The following TEX14 variants were observed in gnomAD, a reference collection of about 807,000 sequenced individuals.
TEX14 encodes testis expressed 14, intercellular bridge forming factor, also known as inactive serine/threonine-protein kinase TEX14.
In TEX14, 168 loss-of-function variants were observed where a neutral mutation model predicts 178.6. The observed-to-expected ratio is 0.94, with a 90% CI of 0.83 to 1.07. The LOEUF is 1.07. TEX14 is among the 50% of genes least tolerant of loss of function. TEX14 has a pLI of 0.00. For synonymous variants in TEX14, 626 were observed against 634.1 expected (o/e 0.99, Z 0.19); for missense variants, 1,730 against 1,753.6 (o/e 0.99, Z 0.24).
chr17:58,636,100 AG>A (rs1446199520), intron 2 of TEX14, among the ~76,000 whole-genome samples: 1 of 152,204 alleles, frequency 6.6e-6, no homozygotes, highest in Non-Finnish European at 1.5e-5. Context: ...ACAAATCTTG[AG>A]GGGATACAGG....
At chr17:58,655,051 C>A (rs1449826637) in intron 1 of TEX14, among the ~76,000 whole-genome samples, 1 of 131,556 alleles carries the variant, frequency 7.6e-6, no homozygotes. Context: ...TTTTTTTTTC[C>A]TGAGACAGAG....
intron 26 of TEX14, among the ~76,000 whole-genome samples, chr17:58,568,769 T>A (rs2044457810): frequency 6.6e-6 from 1 of 152,206 alleles, no homozygotes; most frequent in South Asian, 2.1e-4. Flanking sequence ...ACAATTTCAA[T>A]ACCTTTAATA....
chr17:58,689,624 T>G (rs1449228661), intron 1 of TEX14, among the ~76,000 whole-genome samples: 1 of 152,164 alleles, frequency 6.6e-6, no homozygotes, highest in East Asian at 1.9e-4. Context: ...TCAAATGACT[T>G]AGGTAAATCA....
Position 58,570,713 on chromosome 17 carries a change from C to A in TEX14, c.3718-229G>T, listed in dbSNP as rs569805472. Reference sequence around the variant, plus strand: ...CAATCTCAGCTCACTGCAACCTTCACCTCCCGGGTTCATGCAATTCTCCTG... The same window carrying A: ...CAATCTCAGCTCACTGCAACCTTCAACTCCCGGGTTCATGCAATTCTCCTG... On this transcript the variant is annotated intron_variant, in intron 24 of 31. Coordinates refer to ENST00000349033, the MANE Select transcript of TEX14 (RefSeq NM_031272.5). 4.9e-4 allele frequency among the ~76,000 whole-genome samples: 72 copies of A among 148,162 alleles called. 1 individual carries two copies. The highest frequency in any genetic ancestry group is 1.7e-3 in the African/African-American group (69 of 40,196).
intron 1 of TEX14, among the ~76,000 whole-genome samples, chr17:58,655,476 C>A (rs957706941): frequency 6.6e-6 from 1 of 152,096 alleles, no homozygotes; most frequent in African/African-American, 2.4e-5. Flanking sequence ...GCCACCGCAC[C>A]CGGCGACTAA....
intron 1 of TEX14, among the ~76,000 whole-genome samples, chr17:58,690,220 G>C (rs2047671412): frequency 6.6e-6 from 1 of 151,788 alleles, no homozygotes; most frequent in Non-Finnish European, 1.5e-5. Flanking sequence ...AGATTGGAGT[G>C]GAGTTACGCA....
At chr17:58,557,902 A>G in intron 30 of TEX14, 52 bp from the exon 31 acceptor site, 1 of 1,442,884 alleles carries the variant, frequency 6.9e-7, no homozygotes, top group Non-Finnish European at 9.7e-7. Flanking sequence ...TTTCTAGGTC[A>G]AAGGGTGCCA....
At chr17:58,611,424 C>T (rs766230954) in intron 9 of TEX14, 85 bp from the exon 10 acceptor site, 14 of 1,006,080 alleles carry the variant, frequency 1.4e-5, no homozygotes, top group Non-Finnish European at 2.0e-5. Context: ...CCAGTCTTTC[C>T]ATATGATCCT....
At position 58,613,235 on chromosome 17, in the gene TEX14, G is replaced by A. The variant is rs767299670; in HGVS notation, c.1005+186C>T. ...AAGCAGAACTGACAATAATAAAACC[G>A]TACTAATTCTGACCATGTGCTTATC... On this transcript the variant is annotated intron_variant, in intron 9 of 31. Transcript: ENST00000349033. 6.6e-5 allele frequency among the ~76,000 whole-genome samples: 10 copies of A among 151,610 alleles called. No individual in the cohort carries two copies. The East Asian group carries it at 7.7e-4, about 12-fold the overall frequency.
intron 14 of TEX14, among the ~76,000 whole-genome samples, chr17:58,595,786 C>T (rs2045264418): frequency 6.6e-6 from 1 of 152,194 alleles, no homozygotes; most frequent in Non-Finnish European, 1.5e-5. Flanking sequence ...AAATTCCTGA[C>T]CCACAGAATT....
At chr17:58,573,368 A>G in intron 22 of TEX14, 60 bp from the exon 23 acceptor site, 1 of 1,535,464 alleles carries the variant, frequency 6.5e-7, no homozygotes, top group Non-Finnish European at 8.9e-7. Context: ...CAAACAATAT[A>G]TTCCTGAGAG....
intron 7 of TEX14, 57 bp downstream of exon 7, chr17:58,616,118 C>A (rs1223045177): frequency 6.4e-7 from 1 of 1,554,440 alleles, no homozygotes; most frequent in Non-Finnish European, 8.7e-7. Context: ...AAGTCACATG[C>A]AGCCCACTCT....
In TEX14 at chr17:58,574,175, T is replaced by C. The variant is rs746195623; in HGVS notation, c.3383+12A>G. The C allele has an allele frequency of 9.9e-6, 16 of 1,608,042 alleles. No homozygotes were observed. Among genetic ancestry groups the C allele is most frequent in the Non-Finnish European group, 1.4e-5 (16 of 1,174,528 alleles). ...CACAAGCATCCCTAGGCATTCTCTT[T>C]GGTGATCATACATGTCTTTCTCTTT... On this transcript the variant is annotated intron_variant, in intron 22 of 31. Coordinates refer to ENST00000349033, the MANE Select transcript of TEX14 (RefSeq NM_031272.5).
chr17:58,603,477 C>G (rs1172627267), intron 11 of TEX14, among the ~76,000 whole-genome samples: 4 of 151,284 alleles, frequency 2.6e-5, no homozygotes, highest in Non-Finnish European at 1.5e-5. Flanking sequence ...ATCACTTGAA[C>G]CCAGGAGGTG....
intron 1 of TEX14, among the ~76,000 whole-genome samples, chr17:58,658,928 A>T (rs917376795): frequency 1.3e-5 from 2 of 151,756 alleles, no homozygotes; most frequent in African/African-American, 2.4e-5. Context: ...TCTCCCGAGT[A>T]GCTAGCACAG....
chr17:58,649,997 C>A (rs1326143710), intron 2 of TEX14, among the ~76,000 whole-genome samples: 1 of 151,968 alleles, frequency 6.6e-6, no homozygotes, highest in East Asian at 1.9e-4. Context: ...TCCTCGGCAT[C>A]CCAAAGTGCT....
intron 14 of TEX14, 87 bp from the exon 15 acceptor site, chr17:58,593,748 C>T (rs2045213488): frequency 8.7e-7 from 1 of 1,144,062 alleles, no homozygotes; most frequent in Non-Finnish European, 1.3e-6. Flanking sequence ...GCCATTCTTG[C>T]TAAATGTATA....
chr17:58,561,558 CT>C lies in TEX14; in HGVS notation c.4118del (p.Glu1373GlyfsTer45). 1 of 1,614,088 alleles carries C rather than the reference CT, an allele frequency of 6.2e-7. No individual in the cohort carries two copies. Among genetic ancestry groups the C allele is most frequent in the Non-Finnish European group, 8.5e-7 (1 of 1,179,900 alleles). ...TGGGAAGGTCTTGTAGCTCCACGCT[CT>C]CCTCAGGTGGCTGCAGCCATCTTTC... ...DLERWLQPPE[E>X]SVELQDLPKG... On this transcript the variant is annotated frameshift_variant, in exon 29 of 32. Transcript: ENST00000349033. LOFTEE classifies it high-confidence loss of function.
At chr17:58,681,501 T>C (rs1044332758) in intron 1 of TEX14, among the ~76,000 whole-genome samples, 5 of 152,128 alleles carry the variant, frequency 3.3e-5, no homozygotes, top group African/African-American at 1.2e-4. Context: ...CATATGTATA[T>C]GTATGCTCTA....
Sources: allele counts gnomAD v4.1 joint callset (sites outside exome capture counted in the v4.1 genomes callset), GRCh38; gene constraint gnomAD v4.1.1; transcripts MANE v1.5; gene names NCBI Gene and HGNC (gene_info 2026-07-23, HGNC 2026-07-21).